Variants in DLG2 observed in about 807,000 individuals in gnomAD.
The protein encoded by DLG2 is disks large homolog 2.
A neutral mutation model predicts 132.5 loss-of-function variants in DLG2; 45 were observed. That is an observed-to-expected ratio of 0.34 (90% CI 0.27 to 0.44). The LOEUF is 0.44. DLG2 is among the 20% of genes least tolerant of loss of function. The pLI is 1.00. For synonymous variants in DLG2, 424 were observed against 419.6 expected, an observed-to-expected ratio of 1.01 and a Z score of -0.13; for missense variants, 1,045 against 1,196.9, an observed-to-expected ratio of 0.87 and a Z score of 1.87.
At chr11:84,456,610 C>T (rs2099066072) in intron 7 of DLG2, among the ~76,000 whole-genome samples, 2 of 151,394 alleles carry the variant, frequency 1.3e-5, no homozygotes, top group South Asian at 4.1e-4. Flanking sequence ...TCCTGAAATT[C>T]TCTTTCCCAA....
chr11:84,357,907 A>G (rs1378492274), intron 7 of DLG2, among the ~76,000 whole-genome samples: 1 of 151,994 alleles, frequency 6.6e-6, no homozygotes, highest in African/African-American at 2.4e-5. Flanking sequence ...TTATTGTAAT[A>G]ATTTTCTAGA....
At chr11:85,240,062 C>A (rs1435581321) in intron 4 of DLG2, among the ~76,000 whole-genome samples, 1 of 151,824 alleles carries the variant, frequency 6.6e-6, no homozygotes, top group East Asian at 1.9e-4. Context: ...TTGGTATTGC[C>A]AGTGTTTTTA....
chr11:84,916,875 T>C (rs541468155), intron 6 of DLG2, among the ~76,000 whole-genome samples: 35 of 152,348 alleles, frequency 2.3e-4, no homozygotes, highest in African/African-American at 6.5e-4. Context: ...CCTTTGCATG[T>C]GCACTTTCTG....
intron 8 of DLG2, among the ~76,000 whole-genome samples, chr11:84,180,118 A>G (rs2096076466): frequency 6.6e-6 from 1 of 152,186 alleles, no homozygotes; most frequent in Admixed American, 6.6e-5. Flanking sequence ...TGATTAGTAT[A>G]CTAAAGGCTT....
chr11:84,639,348 GTTT>G lies in DLG2; in HGVS notation c.358-104620_358-104618del, dbSNP rs550030032. The stretch of plus-strand genomic sequence containing the variant: ...ACTGCAGCATATTGCAGATATCTGT[GTTT>G]TTTTTTTTTTTTTTGTCTGAAAGTG... On this transcript the variant is annotated intron_variant, in intron 6 of 27. Transcript: ENST00000376104. Among the ~76,000 whole-genome samples, 221 of 126,796 alleles carry G rather than the reference GTTT, an allele frequency of 1.7e-3. 1 individual carries two copies. The highest frequency in any genetic ancestry group is 8.8e-3 in the Middle Eastern group (2 of 228). 83.2% of individuals were successfully genotyped at this position (126,796 alleles called of 152,430 possible).
rs1264067195 is a variant in DLG2, at chr11:84,916,015, A to G, written c.357+195646T>C. ...AATCATGAACGTATACATATGACTC[A>G]AATCTAGGGTAACCTACCTTCTAAA... On this transcript the variant is annotated intron_variant, in intron 6 of 27. Coordinates refer to ENST00000376104, the MANE Select transcript of DLG2 (RefSeq NM_001142699.3). 2.0e-5 allele frequency among the ~76,000 whole-genome samples: 3 copies of G among 152,142 alleles called. No homozygotes were observed. The East Asian group carries it at 5.8e-4, about 29-fold the overall frequency.
At chr11:84,583,970 T>A (rs1280553722) in intron 6 of DLG2, among the ~76,000 whole-genome samples, 2 of 152,206 alleles carry the variant, frequency 1.3e-5, no homozygotes, top group African/African-American at 4.8e-5. Context: ...TATAAATTTG[T>A]ATTGTGCTCA....
At chr11:83,721,683 T>C (rs567405642) in intron 18 of DLG2, among the ~76,000 whole-genome samples, 14 of 152,332 alleles carry the variant, frequency 9.2e-5, no homozygotes, top group Admixed American at 7.2e-4. Flanking sequence ...TATAATGCTG[T>C]AAGTGAAATT....
intron 7 of DLG2, among the ~76,000 whole-genome samples, chr11:84,251,722 G>A (rs1217846488): frequency 5.6e-5 from 8 of 142,276 alleles, no homozygotes; most frequent in African/African-American, 2.1e-4. Flanking sequence ...GGCTCACTCA[G>A]CCTCCGCCTC....
At chr11:84,151,999 G>C (rs1249969386) in intron 9 of DLG2, among the ~76,000 whole-genome samples, 3 of 152,118 alleles carry the variant, frequency 2.0e-5, no homozygotes, top group Non-Finnish European at 2.9e-5. Context: ...TCCATATACA[G>C]ACAAGAAGAA....
intron 6 of DLG2, among the ~76,000 whole-genome samples, chr11:84,732,197 G>C (rs1185750319): frequency 6.6e-6 from 1 of 152,000 alleles, no homozygotes; most frequent in African/African-American, 2.4e-5. Flanking sequence ...ATGAACACTT[G>C]AGTCACTTTC....
chr11:85,596,290 G>A (rs1192100900), intron 3 of DLG2, among the ~76,000 whole-genome samples: 1 of 152,184 alleles, frequency 6.6e-6, no homozygotes, highest in African/African-American at 2.4e-5. Flanking sequence ...TCAGGAGGCT[G>A]AGGAAGGAGA....
At chr11:85,507,795 A>G (rs531394468) in intron 3 of DLG2, among the ~76,000 whole-genome samples, 4 of 152,260 alleles carry the variant, frequency 2.6e-5, no homozygotes, top group African/African-American at 7.2e-5. Context: ...ACTATCCTGC[A>G]GAGTGTTTTC....
intron 18 of DLG2, among the ~76,000 whole-genome samples, chr11:83,751,805 T>C (rs1286866207): frequency 6.6e-6 from 1 of 152,210 alleles, no homozygotes; most frequent in African/African-American, 2.4e-5. Context: ...AGATACTTAC[T>C]AGACATTTAA....
At position 83,472,744 on chromosome 11, in the gene DLG2, G is replaced by A. The variant is rs1211089494; in HGVS notation, c.2327C>T (p.Pro776Leu). 2 of 1,611,970 alleles carry A rather than the reference G, an allele frequency of 1.2e-6. No individual in the cohort carries two copies. The highest frequency in any genetic ancestry group is 4.5e-5 in the East Asian group (2 of 44,816). ...AAACTTACTTTCCTGCCTTGTAACA[G>A]GCTCATAGGAAAGAATGAGGTCTTC... ...GQEDLILSYE[P>L]VTRQEINYTR... The change falls in exon 23 of 28, where the codon CCT becomes CTT. Residue 776 changes from proline (P) to leucine (L), a missense_variant. Around this residue, in one of 4 missense-constraint regions of DLG2, gnomAD observed 398 missense variants for 543.6 expected, o/e 0.73. Transcript: ENST00000376104.
chr11:83,500,256 G>A (rs760413587), intron 21 of DLG2, among the ~76,000 whole-genome samples: 1 of 152,062 alleles, frequency 6.6e-6, no homozygotes, highest in Non-Finnish European at 1.5e-5. Context: ...TGAATAAATG[G>A]ATGTAAGTAT....
intron 18 of DLG2, among the ~76,000 whole-genome samples, chr11:83,724,069 C>T (rs982948183): frequency 2.0e-5 from 3 of 152,064 alleles, no homozygotes; most frequent in Admixed American, 6.6e-5. Flanking sequence ...AACTATGTGG[C>T]CCAAAATAAG....
At chr11:84,572,824 G>C (rs1424693381) in intron 6 of DLG2, among the ~76,000 whole-genome samples, 4 of 152,040 alleles carry the variant, frequency 2.6e-5, no homozygotes, top group African/African-American at 7.2e-5. Context: ...TTCCATCACT[G>C]TCATGCAAAA....
chr11:84,882,572 G>C (rs954725842), intron 6 of DLG2, among the ~76,000 whole-genome samples: 1 of 152,036 alleles, frequency 6.6e-6, no homozygotes, highest in Non-Finnish European at 1.5e-5. Context: ...ATGGAGATAA[G>C]AGAAATATCT....
Sources: allele counts gnomAD v4.1 joint callset (sites outside exome capture counted in the v4.1 genomes callset), GRCh38; gene constraint gnomAD v4.1.1; regional missense constraint gnomAD v4.1.1; transcripts MANE v1.5; gene names NCBI Gene and HGNC (gene_info 2026-07-23, HGNC 2026-07-21).